The following RAD54L2 variants were observed in gnomAD, a reference collection of about 807,000 sequenced individuals.
The protein encoded by RAD54L2 is RAD54 like 2.
In RAD54L2, 27 loss-of-function variants were observed where a neutral mutation model predicts 138.4. That is an observed-to-expected ratio of 0.20 (90% CI 0.14 to 0.27). RAD54L2 has a LOEUF of 0.27. Among genes scored for constraint, RAD54L2 ranks in the 10% least tolerant of loss-of-function variants. RAD54L2 has a pLI of 1.00. For missense variants in RAD54L2, 1,396 were observed against 1,890.2 expected (o/e 0.74, Z 4.85); for synonymous variants, 644 against 723.2 (o/e 0.89, Z 1.76).
At chr3:51,597,953 C>CAA (rs758006704) in intron 3 of RAD54L2, among the ~76,000 whole-genome samples, 19 of 59,708 alleles carry the variant, frequency 3.2e-4, no homozygotes, top group Admixed American at 8.0e-4. Context: ...GACTTTGTCT[C>CAA]AAAAAAAAAA....
rs753403690 is a variant in RAD54L2, at chr3:51,645,243, C to T, written c.2656+14C>T. ...AGGGCATGTCAGGTGGGCCATCTTCCAGACTTCGGAGAGGCACATCTATAC... is the reference window on the plus strand; with the variant it reads ...AGGGCATGTCAGGTGGGCCATCTTCTAGACTTCGGAGAGGCACATCTATAC... On this transcript the variant is annotated intron_variant, in intron 17 of 22. Coordinates refer to ENST00000684192, the MANE Select transcript of RAD54L2 (RefSeq NM_015106.4). The surrounding 1 kb of genome is among the most constrained non-coding windows in gnomAD (Gnocchi z 6.1). 1.9e-6 allele frequency: 3 copies of T among 1,596,800 alleles called. No individual in the cohort carries two copies. The South Asian group carries it at 3.4e-5, about 18-fold the overall frequency.
chr3:51,556,511 G>GT (rs1363927969), intron 2 of RAD54L2, among the ~76,000 whole-genome samples: 3 of 152,020 alleles, frequency 2.0e-5, no homozygotes, highest in Non-Finnish European at 2.9e-5. Context: ...GCCACCCATA[G>GT]TGCTGGGATT....
At chr3:51,621,029 C>T (rs745453853) in intron 3 of RAD54L2, among the ~76,000 whole-genome samples, 1 of 151,132 alleles carries the variant, frequency 6.6e-6, no homozygotes, top group Non-Finnish European at 1.5e-5. Flanking sequence ...AAAAAAACAA[C>T]ACAGTGAAAA....
At chr3:51,658,211 C>T (rs1054353723) in intron 21 of RAD54L2, among the ~76,000 whole-genome samples, 1 of 151,946 alleles carries the variant, frequency 6.6e-6, no homozygotes, top group Non-Finnish European at 1.5e-5. Flanking sequence ...GGATTACAGG[C>T]GTGAGCCACC....
intron 2 of RAD54L2, among the ~76,000 whole-genome samples, chr3:51,579,771 G>A (rs1699566483): frequency 6.6e-6 from 1 of 152,162 alleles, no homozygotes; most frequent in African/African-American, 2.4e-5. Context: ...GTAGTATATA[G>A]ATAAGAAAAG....
chr3:51,593,438 T>C lies in RAD54L2; in HGVS notation c.139+2879T>C, dbSNP rs541138761. 9.9e-5 allele frequency among the ~76,000 whole-genome samples: 15 copies of C among 151,938 alleles called. No individual in the cohort carries two copies. In the East Asian group the frequency reaches 2.9e-3, roughly 30 times the overall value. On this transcript the variant is annotated intron_variant, in intron 3 of 22. Transcript: ENST00000684192. ...ACCTCTTCCTCCCAGGTTTACGCCA[T>C]TCTCCTGCCTCAGCCTCCTGAGTAG... is the stretch of plus-strand genomic sequence containing the variant.
At chr3:51,660,841 C>T (rs757254182) in intron 22 of RAD54L2, among the ~76,000 whole-genome samples, 3 of 148,236 alleles carry the variant, frequency 2.0e-5, no homozygotes, top group African/African-American at 5.0e-5. Context: ...AGGCTGGTCT[C>T]GAACTCCTGA....
chr3:51,648,798 T>C (rs1701352528), intron 19 of RAD54L2, among the ~76,000 whole-genome samples: 1 of 152,070 alleles, frequency 6.6e-6, no homozygotes, highest in Admixed American at 6.6e-5. Flanking sequence ...CATCTGTAGG[T>C]CACCATCATC....
At position 51,638,165 on chromosome 3, in the gene RAD54L2, G is replaced by C; in HGVS notation, c.1704G>C (p.Lys568Asn). 6.2e-7 allele frequency: 1 copy of C among 1,613,980 alleles called. No individual in the cohort carries two copies. Among genetic ancestry groups the C allele is most frequent in the Non-Finnish European group, 8.5e-7 (1 of 1,179,874 alleles). ...ATAGGAGAGGCCACACTGTGCTGAAGATTCATCTCCCTGCCAAGGAAGAAA... is the reference window on the plus strand; with the variant it reads ...ATAGGAGAGGCCACACTGTGCTGAACATTCATCTCCCTGCCAAGGAAGAAA... Reference protein sequence around the residue: ...FVQRRGHTVLKIHLPAKEENV... With the variant: ...FVQRRGHTVLNIHLPAKEENV... Residue 568 changes from lysine (K) to asparagine (N), a missense_variant, in exon 12 of 23, where the codon AAG becomes AAC. Coordinates refer to ENST00000684192, the MANE Select transcript of RAD54L2 (RefSeq NM_015106.4). This position sits in a 1 kb window ranked among gnomAD's most constrained non-coding sequence, Gnocchi z 4.3.
chr3:51,630,195 G>A (rs1700802757), intron 5 of RAD54L2, 77 bp from the exon 6 acceptor site: 8 of 1,093,796 alleles, frequency 7.3e-6, no homozygotes, highest in Non-Finnish European at 1.1e-5. Flanking sequence ...AAGAAAAGGG[G>A]TGGTGAATTG....
At chr3:51,584,222 C>T (rs576566750) in intron 2 of RAD54L2, among the ~76,000 whole-genome samples, 1 of 152,254 alleles carries the variant, frequency 6.6e-6, no homozygotes, top group East Asian at 1.9e-4. Flanking sequence ...CTACATTGTG[C>T]TATCTTTTGG....
At chr3:51,658,270 G>C (rs1701660711) in intron 21 of RAD54L2, among the ~76,000 whole-genome samples, 1 of 152,124 alleles carries the variant, frequency 6.6e-6, no homozygotes, top group Admixed American at 6.5e-5. Context: ...GATGGGACAA[G>C]TAGACACAAG....
At chr3:51,591,066 G>A (rs4280628) in intron 3 of RAD54L2, among the ~76,000 whole-genome samples, 3,272 of 152,250 alleles carry the variant, frequency 0.021, 123 homozygotes, top group African/African-American at 0.074. Context: ...GCAGTGCTGC[G>A]CTACCTCTTG....
At chr3:51,607,318 T>C (rs1414771351) in intron 3 of RAD54L2, among the ~76,000 whole-genome samples, 13 of 151,816 alleles carry the variant, frequency 8.6e-5, no homozygotes, top group Non-Finnish European at 1.8e-4. Context: ...TCTTAACGAG[T>C]ATGCTGCCTT....
At chr3:51,585,949 T>A (rs1211366899) in intron 2 of RAD54L2, among the ~76,000 whole-genome samples, 1 of 152,120 alleles carries the variant, frequency 6.6e-6, no homozygotes, top group Non-Finnish European at 1.5e-5. Context: ...CACTGGAGAT[T>A]GTAGCAGTGT....
At chr3:51,607,608 A>G (rs1174729536) in intron 3 of RAD54L2, among the ~76,000 whole-genome samples, 1 of 152,172 alleles carries the variant, frequency 6.6e-6, no homozygotes, top group Non-Finnish European at 1.5e-5. Flanking sequence ...CCCGTTCTCA[A>G]TGAGCTGTTG....
At chr3:51,570,528 C>T (rs1169961270) in intron 2 of RAD54L2, among the ~76,000 whole-genome samples, 2 of 151,988 alleles carry the variant, frequency 1.3e-5, no homozygotes, top group Non-Finnish European at 2.9e-5. Context: ...GCGATCTCGG[C>T]TCACTGCAAC....
chr3:51,577,068 G>A (rs1313823688), intron 2 of RAD54L2, among the ~76,000 whole-genome samples: 5 of 152,188 alleles, frequency 3.3e-5, no homozygotes, highest in Non-Finnish European at 5.9e-5. Context: ...TGGTTTCAAA[G>A]AACATCTTTA....
chr3:51,542,714 T>C (rs1274602026), intron 2 of RAD54L2, among the ~76,000 whole-genome samples: 5 of 152,134 alleles, frequency 3.3e-5, no homozygotes, highest in Non-Finnish European at 7.4e-5. Flanking sequence ...CCGCCCGTCT[T>C]GGCCTCCCAA....
Sources: gnomAD v4.1 joint callset for allele counts (sites outside exome capture counted in the v4.1 genomes callset) on GRCh38, gnomAD v4.1.1 for gene constraint, Gnocchi (gnomAD v3.1) non-coding constraint, MANE v1.5 for transcripts, NCBI Gene and HGNC (gene_info 2026-07-23, HGNC 2026-07-21) for gene names.